TENM3: variants seen among roughly 807,000 people sequenced by gnomAD.
TENM3 encodes the protein teneurin transmembrane protein 3.
A neutral mutation model predicts 255.1 loss-of-function variants in TENM3; 63 were observed. The observed-to-expected ratio is 0.25, with a 90% confidence interval of 0.20 to 0.30. TENM3 has a LOEUF of 0.30. Among genes scored for constraint, TENM3 ranks in the 10% least tolerant of loss-of-function variants. TENM3 has a pLI of 1.00. For synonymous variants in TENM3, 1,306 were observed against 1,322.3 expected (o/e 0.99, Z 0.27); for missense variants, 2,929 against 3,461.1 (o/e 0.85, Z 3.86).
At chr4:182,716,986 A>C (rs530783406) in intron 13 of TENM3, among the ~76,000 whole-genome samples, 128 of 152,340 alleles carry the variant, frequency 8.4e-4, no homozygotes, top group African/African-American at 2.9e-3. Flanking sequence ...TAGCTACTAT[A>C]GTTTGAGCAA....
chr4:181,658,482 C>CCGCTGGA, the TENM3 span, among the ~76,000 whole-genome samples: 2 of 152,118 alleles, frequency 1.3e-5, no homozygotes, highest in African/African-American at 4.8e-5. Context: ...AGGAAAAGCC[C>CCGCTGGA]CGCTGGACTC....
At chr4:181,777,289 A>G in the TENM3 span, among the ~76,000 whole-genome samples, 1 of 152,168 alleles carries the variant, frequency 6.6e-6, no homozygotes, top group Non-Finnish European at 1.5e-5. Context: ...TTATACCAAT[A>G]CCATGCTGTT....
chr4:182,477,223 T>C (rs955274919), intron 3 of TENM3, among the ~76,000 whole-genome samples: 1 of 152,212 alleles, frequency 6.6e-6, no homozygotes, highest in African/African-American at 2.4e-5. Context: ...GTCTAGAACC[T>C]TTGAAATGAC....
chr4:181,723,751 A>C, the TENM3 span, among the ~76,000 whole-genome samples: 1 of 152,206 alleles, frequency 6.6e-6, no homozygotes, highest in Non-Finnish European at 1.5e-5. Flanking sequence ...GCAGAGAACT[A>C]AGTGGATTCT....
chr4:181,544,092 A>G, the TENM3 span, among the ~76,000 whole-genome samples: 14,364 of 152,088 alleles, frequency 0.094, 872 homozygotes, highest in African/African-American at 0.15. Flanking sequence ...AGATTAGTTC[A>G]TTATTGCCTT....
the TENM3 span, among the ~76,000 whole-genome samples, chr4:181,923,719 A>G: frequency 6.6e-6 from 1 of 152,152 alleles, no homozygotes; most frequent in African/African-American, 2.4e-5. Context: ...GAGTGGTTCA[A>G]AAGAAATGAT....
At chr4:181,940,513 A>G in the TENM3 span, among the ~76,000 whole-genome samples, 1 of 152,252 alleles carries the variant, frequency 6.6e-6, no homozygotes, top group Non-Finnish European at 1.5e-5. Context: ...AATAACCATA[A>G]TAAATAAACT....
At chr4:181,568,472 G>T in the TENM3 span, among the ~76,000 whole-genome samples, 1 of 152,056 alleles carries the variant, frequency 6.6e-6, no homozygotes, top group East Asian at 1.9e-4. Flanking sequence ...TTACAGGCGT[G>T]AGCCACTACA....
intron 1 of TENM3, among the ~76,000 whole-genome samples, chr4:182,230,813 T>TATATATATAG (rs1756511276): frequency 1.9e-4 from 1 of 5,206 alleles, no homozygotes; most frequent in Non-Finnish European, 4.4e-4. Context: ...TTTCTCAAAC[T>TATATATATAG]ATATATATAT....
intron 1 of TENM3, among the ~76,000 whole-genome samples, chr4:182,205,871 C>A (rs1410087413): frequency 4.6e-5 from 7 of 151,968 alleles, no homozygotes; most frequent in Non-Finnish European, 7.4e-5. Context: ...AAAGTGCATT[C>A]GACAGAATAT....
At chr4:182,474,047 C>T (rs1198489379) in intron 3 of TENM3, among the ~76,000 whole-genome samples, 1 of 152,168 alleles carries the variant, frequency 6.6e-6, no homozygotes, top group Non-Finnish European at 1.5e-5. Context: ...GTTCGTGGCT[C>T]TTTGATTTGC....
intron 3 of TENM3, among the ~76,000 whole-genome samples, chr4:182,430,571 G>T (rs1771546209): frequency 6.6e-6 from 1 of 151,860 alleles, no homozygotes; most frequent in Non-Finnish European, 1.5e-5. Context: ...GAGAAAGATT[G>T]TAGAGTGGGT....
the TENM3 span, among the ~76,000 whole-genome samples, chr4:182,066,520 T>A: frequency 6.6e-6 from 1 of 151,860 alleles, no homozygotes; most frequent in Non-Finnish European, 1.5e-5. Flanking sequence ...GCTAAAAAAA[T>A]TCTTGATTCT....
the TENM3 span, among the ~76,000 whole-genome samples, chr4:182,042,687 G>A: frequency 6.6e-6 from 1 of 152,100 alleles, no homozygotes; most frequent in Admixed American, 6.6e-5. Flanking sequence ...TGAGTTATAC[G>A]AGCATATTTC....
Position 182,670,969 on chromosome 4 carries a change from G to A in TENM3, c.1112-2036G>A, listed in dbSNP as rs78895255. ...AATATATACATCTTCAGGGAAAAGGGTGTAATAACACTCTTGATAGAGTGA... is the reference window on the plus strand; with the variant it reads ...AATATATACATCTTCAGGGAAAAGGATGTAATAACACTCTTGATAGAGTGA... On this transcript the variant is annotated intron_variant, in intron 6 of 27. Coordinates refer to ENST00000511685, the MANE Select transcript of TENM3 (RefSeq NM_001080477.4). 9.5e-3 allele frequency among the ~76,000 whole-genome samples: 1,453 copies of A among 152,222 alleles called. 18 individuals are homozygous for A. The highest frequency in any genetic ancestry group is 0.033 in the African/African-American group (1,382 of 41,514).
the TENM3 span, among the ~76,000 whole-genome samples, chr4:181,783,020 T>C: frequency 7.9e-5 from 12 of 152,196 alleles, no homozygotes; most frequent in Admixed American, 7.9e-4. Flanking sequence ...TTACATTTGC[T>C]GAGGAGTGCT....
intron 12 of TENM3, among the ~76,000 whole-genome samples, chr4:182,709,305 G>C (rs539811374): frequency 3.5e-4 from 53 of 152,058 alleles, no homozygotes; most frequent in African/African-American, 1.3e-3. Context: ...TTTTTTAATG[G>C]TTCCCATTTT....
At chr4:181,450,173 G>A in the TENM3 span, among the ~76,000 whole-genome samples, 1 of 152,116 alleles carries the variant, frequency 6.6e-6, no homozygotes, top group Non-Finnish European at 1.5e-5. Context: ...ATTAAGTTCA[G>A]GCGTATACCT....
chr4:182,327,177 GATTA>G (rs1763468424), intron 2 of TENM3, among the ~76,000 whole-genome samples: 1 of 152,126 alleles, frequency 6.6e-6, no homozygotes, highest in Non-Finnish European at 1.5e-5. Flanking sequence ...TATGCTATGG[GATTA>G]ATTATTTAAT....
Sources: allele counts gnomAD v4.1 joint callset (sites outside exome capture counted in the v4.1 genomes callset), GRCh38; gene constraint gnomAD v4.1.1; transcripts MANE v1.5; gene names NCBI Gene and HGNC (gene_info 2026-07-23, HGNC 2026-07-21).